ABCG1: variants seen among roughly 807,000 people sequenced by gnomAD.
ABCG1 encodes the protein ATP-binding cassette sub-family G member 1.
A neutral mutation model predicts 69.2 loss-of-function variants in ABCG1; 29 were observed. The ratio of observed to expected loss-of-function variants is 0.42; its 90% CI spans 0.31 to 0.57. The LOEUF (loss-of-function observed/expected upper bound fraction) is 0.57, where lower values mean the gene tolerates loss of function less well. Ranked by LOEUF, ABCG1 falls within the 20% of genes least tolerant of loss-of-function variation. The pLI, the probability that ABCG1 is intolerant of heterozygous loss-of-function variation, is 0.15. For synonymous variants in ABCG1, 370 were observed against 374.8 expected, an observed-to-expected ratio of 0.99 and a Z score of 0.15; for missense variants, 718 against 898.1, an observed-to-expected ratio of 0.80 and a Z score of 2.56.
intron 4 of ABCG1, among the ~76,000 whole-genome samples, chr21:42,275,387 A>G (rs1010011547): frequency 2.6e-5 from 4 of 152,112 alleles, no homozygotes; most frequent in Non-Finnish European, 4.4e-5. Context: ...GGATGTTCAG[A>G]TGGGGCGCAG....
intron 2 of ABCG1, among the ~76,000 whole-genome samples, chr21:42,258,774 G>T (rs538842065): frequency 6.6e-6 from 1 of 152,208 alleles, no homozygotes; most frequent in Admixed American, 6.5e-5. Context: ...GATGAGGGCT[G>T]CCCCCTGCAG....
rs539345566 is a variant in ABCG1 at position 42,287,443 on chromosome 21, G to A, written c.974-446G>A. The stretch of plus-strand genomic sequence containing the variant: ...CAGCCACTCATGTGGCGATGGGCAC[G>A]TCCTTCTCTGCCATCTTGTAGAACT... On this transcript the variant is annotated intron_variant, in intron 8 of 14. Coordinates refer to ENST00000398449, the MANE Select transcript of ABCG1 (RefSeq NM_016818.3). The surrounding 1 kb of genome is among the most constrained non-coding windows in gnomAD (Gnocchi z 6.2). Among the ~76,000 whole-genome samples, 7 of 152,300 alleles carry A rather than the reference G, an allele frequency of 4.6e-5. No homozygotes were observed. The highest frequency in any genetic ancestry group is 2.1e-4 in the South Asian group (1 of 4,826).
intron 2 of ABCG1, among the ~76,000 whole-genome samples, chr21:42,267,952 G>A (rs918463755): frequency 2.6e-5 from 4 of 152,080 alleles, no homozygotes; most frequent in Non-Finnish European, 5.9e-5. Context: ...TTCTGTCTAA[G>A]TTCTGGTCTG....
chr21:42,275,308 C>T (rs1156426920), intron 4 of ABCG1, among the ~76,000 whole-genome samples: 1 of 152,192 alleles, frequency 6.6e-6, no homozygotes, highest in East Asian at 1.9e-4. Flanking sequence ...AGACGCCATT[C>T]CCCTGGGCCC....
At chr21:42,281,143 T>C (rs538724936) in intron 5 of ABCG1, among the ~76,000 whole-genome samples, 2 of 152,360 alleles carry the variant, frequency 1.3e-5, no homozygotes, top group Admixed American at 1.3e-4. Flanking sequence ...GCATAAATAA[T>C]TCAGAAGCTC....
At chr21:42,229,682 T>C (rs886890295) in intron 2 of ABCG1, among the ~76,000 whole-genome samples, 4 of 151,926 alleles carry the variant, frequency 2.6e-5, no homozygotes, top group Admixed American at 6.5e-5. Context: ...ATCGTACCAT[T>C]GTACTCCAGC....
At chr21:42,225,555 T>TG (rs1257346275) in intron 1 of ABCG1, 116 bp from the exon 2 acceptor site, 1 of 1,324,788 alleles carries the variant, frequency 7.5e-7, no homozygotes, top group African/African-American at 1.5e-5. Flanking sequence ...GCTCCTGCAG[T>TG]GGAAGAAGTG....
chr21:42,233,956 T>A (rs944937058), intron 2 of ABCG1, among the ~76,000 whole-genome samples: 1 of 152,268 alleles, frequency 6.6e-6, no homozygotes, highest in Non-Finnish European at 1.5e-5. Context: ...AAAGTGAACC[T>A]TTTGGCAGGA....
intron 1 of ABCG1, chr21:42,220,064 G>C (rs2067699221): frequency 6.5e-7 from 1 of 1,546,312 alleles, no homozygotes; most frequent in Non-Finnish European, 8.8e-7. Context: ...CTGTTTCCAG[G>C]GGTGGTCAGG....
At chr21:42,294,993 T>C in intron 14 of ABCG1, 2 of 295,498 alleles carry the variant, frequency 6.8e-6, no homozygotes, top group Non-Finnish European at 1.3e-5. Context: ...TGCCGAGTGC[T>C]CCTAACAAGT....
chr21:42,201,635 G>A, exon 2 of ABCG1: 1 of 1,590,376 alleles, frequency 6.3e-7, no homozygotes, highest in Non-Finnish European at 8.6e-7. Context: ...GTGCTCAGCA[G>A]ACATCAGGGA....
chr21:42,237,583 C>T (rs1232560639), intron 2 of ABCG1, among the ~76,000 whole-genome samples: 3 of 152,244 alleles, frequency 2.0e-5, no homozygotes, highest in Non-Finnish European at 4.4e-5. Context: ...GCTGCCCAGC[C>T]AGTGCCTGGC....
chr21:42,282,141 C>G, intron 5 of ABCG1, 133 bp from the exon 6 acceptor site: 1 of 1,268,316 alleles, frequency 7.9e-7, no homozygotes, highest in Admixed American at 2.4e-5. Flanking sequence ...GTTCGACTTG[C>G]GTGGCCTCCA....
At chr21:42,292,652 A>ACTACACAC (rs1452787591) in intron 13 of ABCG1, among the ~76,000 whole-genome samples, 2 of 149,180 alleles carry the variant, frequency 1.3e-5, no homozygotes, top group Non-Finnish European at 3.0e-5. Context: ...CACACACCAC[A>ACTACACAC]CTACACACCA....
intron 2 of ABCG1, among the ~76,000 whole-genome samples, chr21:42,246,553 T>G (rs1019947473): frequency 2.6e-5 from 4 of 152,222 alleles, no homozygotes; most frequent in African/African-American, 9.6e-5. Context: ...CATTTTTCCT[T>G]TCAGAAAGTA....
intron 1 of ABCG1, chr21:42,201,516 A>G: frequency 2.6e-6 from 3 of 1,152,436 alleles, no homozygotes; most frequent in Non-Finnish European, 3.6e-6. Flanking sequence ...TGACAGGGTG[A>G]GCTACCCTGA....
chr21:42,261,213 C>T (rs571906354), intron 2 of ABCG1, among the ~76,000 whole-genome samples: 3 of 152,044 alleles, frequency 2.0e-5, no homozygotes, highest in Admixed American at 6.5e-5. Context: ...ACCACCCCCC[C>T]TCTCCCGCCC....
rs779548354 is a variant in ABCG1 at position 42,273,261 on chromosome 21, C to T, written c.405-42C>T. On this transcript the variant is annotated intron_variant, in intron 3 of 14. Transcript: ENST00000398449. The surrounding 1 kb of genome is among the most constrained non-coding windows in gnomAD (Gnocchi z 5.3). ...CCTGCCCCGGGAGGTGGAGGAGGAG[C>T]AGGAGCCCGGCTGACGGCTTCTCCT... 4.4e-5 allele frequency: 70 copies of T among 1,585,746 alleles called. No homozygotes were observed. The Middle Eastern group carries it at 5.2e-4, about 12-fold the overall frequency.
chr21:42,226,032 C>A, intron 2 of ABCG1, 118 bp downstream of exon 2: 1 of 1,181,566 alleles, frequency 8.5e-7, no homozygotes, highest in Non-Finnish European at 1.2e-6. Context: ...TTCCCAACGC[C>A]GTCACTGCTG....
Sources: allele counts gnomAD v4.1 joint callset (sites outside exome capture counted in the v4.1 genomes callset), GRCh38; gene constraint gnomAD v4.1.1; non-coding constraint Gnocchi (gnomAD v3.1); transcripts MANE v1.5; gene names NCBI Gene and HGNC (gene_info 2026-07-23, HGNC 2026-07-21).